The following APOLD1 variants were observed in gnomAD, a reference collection of about 807,000 sequenced individuals.
APOLD1 encodes apolipoprotein L domain-containing protein 1.
A neutral mutation model predicts 15.3 loss-of-function variants in APOLD1; 22 were observed. That is an observed-to-expected ratio of 1.44 (90% CI 1.03 to 2.05). APOLD1 has a LOEUF of 2.05. Among genes scored for constraint, APOLD1 ranks in the 30% most tolerant of loss-of-function variants. The probability of loss-of-function intolerance (pLI) is 0.00; values close to 1 mark genes in which losing one functional copy is unlikely to be tolerated. For synonymous variants in APOLD1, 190 were observed against 167.4 expected (o/e 1.13, Z -1.04); for missense variants, 394 against 353.5 (o/e 1.11, Z -0.92).
At chr12:12,770,261 C>T (rs536032733) in intron 1 of APOLD1, among the ~76,000 whole-genome samples, 5 of 152,072 alleles carry the variant, frequency 3.3e-5, no homozygotes, top group South Asian at 2.1e-4. Flanking sequence ...AAAAATTAGC[C>T]GGGCATGGTG....
At chr12:12,727,600 A>T (rs140862206) in intron 1 of APOLD1, among the ~76,000 whole-genome samples, 1 of 151,156 alleles carries the variant, frequency 6.6e-6, no homozygotes, top group African/African-American at 2.4e-5. Context: ...TTATTTATTT[A>T]TTCTTCTTCT....
At position 12,787,732 on chromosome 12, in the gene APOLD1, A is replaced by G; in HGVS notation, c.*80A>G. On this transcript the variant is annotated 3_prime_UTR_variant, in exon 2 of 2. Transcript: ENST00000356591. This position sits in a 1 kb window ranked among gnomAD's most constrained non-coding sequence, Gnocchi z 4.9. Reference sequence around the variant, plus strand: ...CCAGAATTTGTAGCTCCCTTAGGAAAACACCAAGCTGGGTTAGGAGCCGAA... The same window carrying G: ...CCAGAATTTGTAGCTCCCTTAGGAAGACACCAAGCTGGGTTAGGAGCCGAA... 1 of 1,505,596 alleles carries G rather than the reference A, an allele frequency of 6.6e-7. No individual in the cohort carries two copies. The allele number at this position is 1,505,596 out of a possible 1,614,324, so 93.3% of individuals were successfully genotyped here.
chr12:12,740,510 T>C lies in APOLD1; in HGVS notation c.96+14414T>C, dbSNP rs999569979. Among the ~76,000 whole-genome samples the C allele has an allele frequency of 2.6e-4, 39 of 152,328 alleles. 2 individuals are homozygous for C. Among genetic ancestry groups the C allele is most frequent in the African/African-American group, 8.2e-4 (34 of 41,568 alleles). On this transcript the variant is annotated intron_variant, in intron 1 of 1. Transcript: ENST00000326765. ...ATTTTTACCTTCCTTTTCTGCATTG[T>C]CCTAACCTTTAGGAAATCTGAACCC...
At chr12:12,783,054 A>C (rs929316213), upstream of APOLD1, among the ~76,000 whole-genome samples, 1 of 151,848 alleles carries the variant, frequency 6.6e-6, no homozygotes, top group Non-Finnish European at 1.5e-5. Context: ...AAAAATACAA[A>C]AATTAGCCAG....
At chr12:12,754,132 G>A (rs1434509776) in intron 1 of APOLD1, among the ~76,000 whole-genome samples, 1 of 142,548 alleles carries the variant, frequency 7.0e-6, no homozygotes, top group African/African-American at 2.5e-5. Flanking sequence ...GAACCCAAGA[G>A]GTGGAGGCTG....
At chr12:12,730,894 C>T (rs1292949862) in intron 1 of APOLD1, among the ~76,000 whole-genome samples, 2 of 152,052 alleles carry the variant, frequency 1.3e-5, no homozygotes, top group African/African-American at 4.8e-5. Context: ...GTAATCCCAG[C>T]ACTTTGGGAG....
intron 1 of APOLD1, among the ~76,000 whole-genome samples, chr12:12,737,991 G>GTTTCCTGC (rs1461101608): frequency 6.6e-6 from 1 of 152,098 alleles, no homozygotes; most frequent in Non-Finnish European, 1.5e-5. Flanking sequence ...CCTTAATTCT[G>GTTTCCTGC]TTTCCTGCTT....
intron 1 of APOLD1, among the ~76,000 whole-genome samples, chr12:12,751,464 C>T (rs532627851): frequency 1.1e-4 from 17 of 152,180 alleles, no homozygotes; most frequent in Non-Finnish European, 2.2e-4. Flanking sequence ...GATCCTCTTG[C>T]CTTAGCCTCC....
In APOLD1 at chr12:12,751,463, G is replaced by A. The variant is rs946630636; in HGVS notation, c.96+25367G>A. On this transcript the variant is annotated intron_variant, in intron 1 of 1. Coordinates refer to the APOLD1 transcript ENST00000326765. ...CCTCCCGAGCTCAAGGGATCCTCTT[G>A]CCTTAGCCTCCCAAATAGCTGGGAC... 3.9e-5 allele frequency among the ~76,000 whole-genome samples: 6 copies of A among 152,268 alleles called. No homozygotes were observed. In the South Asian group the frequency reaches 1.2e-3, roughly 32 times the overall value.
intron 1 of APOLD1, among the ~76,000 whole-genome samples, chr12:12,750,881 C>A (rs1466817615): frequency 6.6e-6 from 1 of 151,790 alleles, no homozygotes; most frequent in African/African-American, 2.4e-5. Context: ...CTGAAGCGAT[C>A]CTCCCACCTC....
chr12:12,742,891 A>G (rs1946739007), intron 1 of APOLD1, among the ~76,000 whole-genome samples: 1 of 152,206 alleles, frequency 6.6e-6, no homozygotes, highest in Non-Finnish European at 1.5e-5. Flanking sequence ...CAGCCTTCTG[A>G]GTAGCTGGAA....
rs1184206028 is a variant in APOLD1, at chr12:12,728,563, G to A, written c.96+2467G>A. ...GCTGCCTGTAGTCCCAGCTACTCAG[G>A]AAGCTGAGGTGGGAGGATTGCTTGA... On this transcript the variant is annotated intron_variant, in intron 1 of 1. Transcript: ENST00000326765. Among the ~76,000 whole-genome samples, 3 of 150,410 alleles carry A rather than the reference G, an allele frequency of 2.0e-5. No homozygotes were observed. In the Admixed American group the frequency reaches 2.0e-4, roughly 10 times the overall value.
At chr12:12,762,167 C>T (rs990200808) in intron 1 of APOLD1, among the ~76,000 whole-genome samples, 8 of 151,892 alleles carry the variant, frequency 5.3e-5, no homozygotes, top group Non-Finnish European at 1.2e-4. Flanking sequence ...AAGTGATGCC[C>T]ATTCCTAAGG....
At chr12:12,734,338 A>G (rs1353074819) in intron 1 of APOLD1, among the ~76,000 whole-genome samples, 1 of 152,244 alleles carries the variant, frequency 6.6e-6, no homozygotes, top group Non-Finnish European at 1.5e-5. Flanking sequence ...TTAGTTACTT[A>G]GGACATAGTG....
chr12:12,737,134 T>C (rs1946693367), intron 1 of APOLD1, among the ~76,000 whole-genome samples: 1 of 152,216 alleles, frequency 6.6e-6, no homozygotes, highest in African/African-American at 2.4e-5. Context: ...CTAGATTCAG[T>C]ATTCGAAGAT....
intron 1 of APOLD1, among the ~76,000 whole-genome samples, chr12:12,743,022 G>C (rs1946739852): frequency 6.6e-6 from 1 of 152,204 alleles, no homozygotes; most frequent in African/African-American, 2.4e-5. Flanking sequence ...AAAGTGTTGG[G>C]ATTACAGGCG....
At chr12:12,765,767 G>C (rs561771807) in intron 1 of APOLD1, among the ~76,000 whole-genome samples, 5 of 152,296 alleles carry the variant, frequency 3.3e-5, no homozygotes, top group African/African-American at 1.2e-4. Flanking sequence ...CTTCTCAGGA[G>C]GCTGAGGTAT....
intron 1 of APOLD1, among the ~76,000 whole-genome samples, chr12:12,777,923 T>TTTTTTTTTTTTTGTTG (rs1555092183): frequency 2.5e-5 from 3 of 121,570 alleles, no homozygotes; most frequent in Non-Finnish European, 5.1e-5. Context: ...TTTTTTTTTT[T>TTTTTTTTTTTTTGTTG]TTGTTGTTGT....
upstream of APOLD1, among the ~76,000 whole-genome samples, chr12:12,782,343 A>T (rs975292620): frequency 2.6e-5 from 4 of 152,150 alleles, no homozygotes; most frequent in Non-Finnish European, 4.4e-5. Flanking sequence ...GCAGGTAGGA[A>T]TCACCTGTAT....
Sources: gnomAD v4.1 joint callset for allele counts (sites outside exome capture counted in the v4.1 genomes callset) on GRCh38, gnomAD v4.1.1 for gene constraint, Gnocchi (gnomAD v3.1) non-coding constraint, MANE v1.5 for transcripts, NCBI Gene and HGNC (gene_info 2026-07-23, HGNC 2026-07-21) for gene names.